The following APBA1 variants were observed in gnomAD, a reference collection of about 807,000 sequenced individuals.
APBA1 encodes the protein amyloid beta precursor protein binding family A member 1, also known as amyloid-beta A4 precursor protein-binding family A member 1.
A neutral mutation model predicts 86.6 loss-of-function variants in APBA1; 55 were observed. The observed-to-expected ratio is 0.64, with a 90% CI of 0.51 to 0.80. APBA1 has a LOEUF of 0.80. Among genes scored for constraint, APBA1 ranks in the 30% least tolerant of loss-of-function variants. The pLI is 0.00. For missense variants in APBA1, 1,090 were observed against 1,183.0 expected (o/e 0.92, Z 1.15); for synonymous variants, 511 against 493.9 (o/e 1.03, Z -0.46).
chr9:69,572,712 CCT>C (rs1837135338), intron 1 of APBA1, among the ~76,000 whole-genome samples: 1 of 152,098 alleles, frequency 6.6e-6, no homozygotes, highest in South Asian at 2.1e-4. Context: ...TGTTTATTTC[CCT>C]CTCTCTTCCA....
At chr9:69,617,556 C>G (rs979489798) in intron 1 of APBA1, among the ~76,000 whole-genome samples, 4 of 151,976 alleles carry the variant, frequency 2.6e-5, no homozygotes, top group Admixed American at 1.3e-4. Flanking sequence ...GCCAGAAATT[C>G]AGTTTAATAA....
At chr9:69,525,502 C>A (rs1836328371) in intron 1 of APBA1, among the ~76,000 whole-genome samples, 1 of 151,758 alleles carries the variant, frequency 6.6e-6, no homozygotes, top group East Asian at 1.9e-4. Flanking sequence ...CCCCACCCCC[C>A]AAAAATCTAG....
intron 2 of APBA1, among the ~76,000 whole-genome samples, chr9:69,482,851 A>G (rs1347816257): frequency 4.0e-5 from 6 of 151,418 alleles, no homozygotes; most frequent in Non-Finnish European, 8.8e-5. Flanking sequence ...GGAAATCATC[A>G]TTCTCAGTAA....
chr9:69,442,707 G>A (rs780054194), intron 10 of APBA1, among the ~76,000 whole-genome samples: 10 of 152,304 alleles, frequency 6.6e-5, no homozygotes, highest in Admixed American at 3.3e-4. Context: ...AAGGGTGATC[G>A]TCTGCCTCTT....
At chr9:69,658,254 T>C (rs1292417364) in intron 1 of APBA1, among the ~76,000 whole-genome samples, 1 of 23,676 alleles carries the variant, frequency 4.2e-5, no homozygotes, top group African/African-American at 6.2e-5. Flanking sequence ...CTTTCTTTCT[T>C]TCTTTCTTTC....
At position 69,451,669 on chromosome 9, in the gene APBA1, A is replaced by G. The variant is rs555688825; in HGVS notation, c.1968+453T>C. Reference sequence around the variant, plus strand: ...CATCTTCCTACAGGCATTCCTGAATAGCTCAGTTTGAAGCCACAGGCCATC... The same window carrying G: ...CATCTTCCTACAGGCATTCCTGAATGGCTCAGTTTGAAGCCACAGGCCATC... On this transcript the variant is annotated intron_variant, in intron 9 of 12. Coordinates refer to ENST00000265381, the MANE Select transcript of APBA1 (RefSeq NM_001163.4). Among the ~76,000 whole-genome samples, 9 of 152,290 alleles carry G rather than the reference A, an allele frequency of 5.9e-5. No homozygotes were observed. The East Asian group carries it at 1.7e-3, about 29-fold the overall frequency.
intron 1 of APBA1, among the ~76,000 whole-genome samples, chr9:69,611,285 G>GAAAAAAAAAAAAAAAAA (rs56357426): frequency 2.7e-5 from 3 of 111,904 alleles, no homozygotes; most frequent in Non-Finnish European, 3.5e-5. Context: ...ACCAGAAAAG[G>GAAAAAAAAAAAAAAAAA]AAAAAAAAAA....
At chr9:69,463,725 C>A (rs1430843268) in intron 5 of APBA1, 1 of 152,090 alleles carries the variant, frequency 6.6e-6, no homozygotes, top group East Asian at 1.9e-4. Context: ...AAGAGAGGGA[C>A]AAAACGGGGG....
chr9:69,542,748 G>A (rs149259853), intron 1 of APBA1, among the ~76,000 whole-genome samples: 2 of 152,176 alleles, frequency 1.3e-5, no homozygotes, highest in Non-Finnish European at 2.9e-5. Flanking sequence ...TATGTTTAAT[G>A]CCCCCTTTTA....
chr9:69,656,195 G>C (rs1161851463), intron 1 of APBA1, among the ~76,000 whole-genome samples: 1 of 152,172 alleles, frequency 6.6e-6, no homozygotes, highest in African/African-American at 2.4e-5. Flanking sequence ...GGACAAAGTA[G>C]TCCCCACTTT....
rs377272826 is a variant in APBA1, at chr9:69,513,262, C to T, written c.1200+2749G>A. On this transcript the variant is annotated intron_variant, in intron 2 of 12. Transcript: ENST00000265381. ...CAGCATGCAAGAGAATTAAGTTGTT[C>T]TCCTAGTTCAAATGAATAAAAGCCA... Among the ~76,000 whole-genome samples, 10 of 152,294 alleles carry T rather than the reference C, an allele frequency of 6.6e-5. No homozygotes were observed. The East Asian group carries it at 7.7e-4, about 12-fold the overall frequency.
chr9:69,667,861 C>T (rs1305992250), intron 1 of APBA1, among the ~76,000 whole-genome samples: 1 of 152,042 alleles, frequency 6.6e-6, no homozygotes, highest in Non-Finnish European at 1.5e-5. Context: ...GCTGCCACTT[C>T]CACCTACCAC....
At chr9:69,434,402 A>G (rs1834660320) in intron 11 of APBA1, among the ~76,000 whole-genome samples, 1 of 151,298 alleles carries the variant, frequency 6.6e-6, no homozygotes, top group African/African-American at 2.5e-5. Context: ...CCTTCAGGGA[A>G]CAAACTGGCT....
chr9:69,600,486 T>C (rs1235800631), intron 1 of APBA1, among the ~76,000 whole-genome samples: 4 of 152,164 alleles, frequency 2.6e-5, no homozygotes, highest in African/African-American at 7.2e-5. Flanking sequence ...TGTGTAACTT[T>C]AGGCGAGTCT....
chr9:69,623,683 A>G (rs1484400413), intron 1 of APBA1, among the ~76,000 whole-genome samples: 1 of 152,154 alleles, frequency 6.6e-6, no homozygotes. Context: ...AAACTTTGGG[A>G]GTCTGGTTTG....
chr9:69,592,026 T>G (rs1392660333), intron 1 of APBA1, among the ~76,000 whole-genome samples: 1 of 152,224 alleles, frequency 6.6e-6, no homozygotes, highest in African/African-American at 2.4e-5. Flanking sequence ...TTTGATAGGA[T>G]GGGTGCTTTT....
intron 1 of APBA1, among the ~76,000 whole-genome samples, chr9:69,628,765 T>C (rs1822982352): frequency 6.6e-6 from 1 of 152,176 alleles, no homozygotes; most frequent in Admixed American, 6.6e-5. Context: ...TTCCTAGGAG[T>C]GCAGAACAGT....
Position 69,569,331 on chromosome 9 carries a change from T to C in APBA1, c.-69-52052A>G, listed in dbSNP as rs1437092495. On this transcript the variant is annotated intron_variant, in intron 1 of 12. Coordinates refer to ENST00000265381, the MANE Select transcript of APBA1 (RefSeq NM_001163.4). ...TTTGCCAAAGCTATTTGAGAGAGTG[T>C]GTGAGAATGTCTTGTATGTATTTAT... is the stretch of plus-strand genomic sequence containing the variant. 5.3e-5 allele frequency among the ~76,000 whole-genome samples: 8 copies of C among 152,220 alleles called. No individual in the cohort carries two copies. The East Asian group carries it at 1.5e-3, about 29-fold the overall frequency.
Position 69,550,085 on chromosome 9 carries a change from T to C in APBA1, c.-69-32806A>G, listed in dbSNP as rs538743201. ...TATGAGGTCTAAATTAGATGAGATATGTACAGTGTTTTCTGTATTGGACCT... is the reference window on the plus strand; with the variant it reads ...TATGAGGTCTAAATTAGATGAGATACGTACAGTGTTTTCTGTATTGGACCT... On this transcript the variant is annotated intron_variant, in intron 1 of 12. Coordinates refer to ENST00000265381, the MANE Select transcript of APBA1 (RefSeq NM_001163.4). Among the ~76,000 whole-genome samples the C allele has an allele frequency of 9.8e-5, 15 of 152,370 alleles. No homozygotes were observed. In the South Asian group the frequency reaches 1.2e-3, roughly 13 times the overall value.
Sources: allele counts gnomAD v4.1 joint callset (sites outside exome capture counted in the v4.1 genomes callset), GRCh38; gene constraint gnomAD v4.1.1; transcripts MANE v1.5; gene names NCBI Gene and HGNC (gene_info 2026-07-23, HGNC 2026-07-21).